The following ARHGAP15 variants were observed in gnomAD, a reference collection of about 807,000 sequenced individuals.
ARHGAP15 encodes the protein rho GTPase-activating protein 15.
A neutral mutation model predicts 63.7 loss-of-function variants in ARHGAP15; 51 were observed. The observed-to-expected ratio is 0.80, with a 90% confidence interval of 0.64 to 1.01. ARHGAP15 has a LOEUF of 1.01. Ranked by LOEUF, ARHGAP15 falls within the 50% of genes least tolerant of loss-of-function variation. The probability of loss-of-function intolerance (pLI) is 0.00; values close to 1 mark genes in which losing one functional copy is unlikely to be tolerated. For missense variants in ARHGAP15, 560 were observed against 564.6 expected, an observed-to-expected ratio of 0.99 and a Z score of 0.08; for synonymous variants, 191 against 193.8, an observed-to-expected ratio of 0.99 and a Z score of 0.12.
chr2:143,321,125 T>TC (rs142423524), intron 6 of ARHGAP15, among the ~76,000 whole-genome samples: 2,909 of 152,228 alleles, frequency 0.019, 97 homozygotes, highest in African/African-American at 0.065. Context: ...CTGAGCATTT[T>TC]CACAGGGGAA....
At chr2:143,749,230 A>G (rs1686279769) in intron 13 of ARHGAP15, among the ~76,000 whole-genome samples, 1 of 152,238 alleles carries the variant, frequency 6.6e-6, no homozygotes, top group South Asian at 2.1e-4. Context: ...AAGGGCAGGC[A>G]GGACAGATGA....
chr2:143,531,650 A>G (rs1694529829), intron 10 of ARHGAP15, among the ~76,000 whole-genome samples: 1 of 152,220 alleles, frequency 6.6e-6, no homozygotes, highest in Admixed American at 6.5e-5. Context: ...AAGCCAGCAT[A>G]TGTTCTAAAA....
intron 6 of ARHGAP15, among the ~76,000 whole-genome samples, chr2:143,402,435 T>G (rs1000584141): frequency 2.0e-5 from 3 of 151,620 alleles, no homozygotes; most frequent in Non-Finnish European, 4.4e-5. Flanking sequence ...TAGCTTCTTC[T>G]GAGTTCGCAA....
chr2:143,415,617 C>T (rs1290974270), intron 6 of ARHGAP15, among the ~76,000 whole-genome samples: 4 of 152,056 alleles, frequency 2.6e-5, no homozygotes, highest in Non-Finnish European at 5.9e-5. Flanking sequence ...AATCATGTTC[C>T]GTTTTAAAAG....
intron 6 of ARHGAP15, among the ~76,000 whole-genome samples, chr2:143,280,989 TAGC>T (rs1418065908): frequency 6.6e-6 from 1 of 152,140 alleles, no homozygotes; most frequent in Non-Finnish European, 1.5e-5. Flanking sequence ...TACAGCTAAT[TAGC>T]AGTAGAGCCA....
Position 143,697,328 on chromosome 2 carries a change from AAT to A in ARHGAP15, c.1139-6088_1139-6087del, listed in dbSNP as rs368949272. Reference sequence around the variant, plus strand: ...ATGATAGAGAAGACAATGAGAAAGAAATATGTTTTAAGGGAAGAGGACTTACA... The same window carrying A: ...ATGATAGAGAAGACAATGAGAAAGAAATGTTTTAAGGGAAGAGGACTTACA... On this transcript the variant is annotated intron_variant, in intron 12 of 13. Transcript: ENST00000295095. Among the ~76,000 whole-genome samples, 16 of 152,304 alleles carry A rather than the reference AAT, an allele frequency of 1.1e-4. No homozygotes were observed. The East Asian group carries it at 3.1e-3, about 29-fold the overall frequency.
chr2:143,206,886 G>A (rs942713418), intron 3 of ARHGAP15, among the ~76,000 whole-genome samples: 13 of 151,926 alleles, frequency 8.6e-5, no homozygotes, highest in Admixed American at 6.6e-4. Flanking sequence ...CATGGCAAAA[G>A]TTAGGCTGAA....
At chr2:143,458,365 T>C (rs756303129) in intron 8 of ARHGAP15, among the ~76,000 whole-genome samples, 3 of 152,144 alleles carry the variant, frequency 2.0e-5, no homozygotes, top group Non-Finnish European at 4.4e-5. Flanking sequence ...ATCAGGATGG[T>C]CTGAAGGCAC....
At chr2:143,654,759 T>C (rs1048397897) in intron 12 of ARHGAP15, among the ~76,000 whole-genome samples, 2 of 152,188 alleles carry the variant, frequency 1.3e-5, no homozygotes, top group African/African-American at 4.8e-5. Flanking sequence ...AAACTACCTC[T>C]ATGTATATTG....
intron 5 of ARHGAP15, among the ~76,000 whole-genome samples, chr2:143,239,367 C>T (rs1693771989): frequency 6.6e-6 from 1 of 151,922 alleles, no homozygotes; most frequent in Admixed American, 6.6e-5. Context: ...ATTATAGTTA[C>T]CATGCTGTAC....
In ARHGAP15 at chr2:143,750,517, A is replaced by G. The variant is rs147069582; in HGVS notation, c.1245-17472A>G. 5.9e-3 allele frequency among the ~76,000 whole-genome samples: 903 copies of G among 152,344 alleles called. 9 individuals are homozygous for G. The highest frequency in any genetic ancestry group is 0.021 in the African/African-American group (878 of 41,584). ...TTAAATTTAATCTTCAAAACAACCT[A>G]TGAGATCAGTTTTGCCATTAACTTC... On this transcript the variant is annotated intron_variant, in intron 13 of 13. Coordinates refer to ENST00000295095, the MANE Select transcript of ARHGAP15 (RefSeq NM_018460.4).
At chr2:143,546,374 TC>T (rs1275913866) in intron 10 of ARHGAP15, among the ~76,000 whole-genome samples, 6 of 152,142 alleles carry the variant, frequency 3.9e-5, no homozygotes, top group Non-Finnish European at 7.4e-5. Context: ...CCCAAAAGGA[TC>T]CATTTTTCAG....
At chr2:143,338,977 C>T (rs1286208749) in intron 6 of ARHGAP15, among the ~76,000 whole-genome samples, 1 of 151,772 alleles carries the variant, frequency 6.6e-6, no homozygotes, top group African/African-American at 2.4e-5. Context: ...AATAGAAAAC[C>T]AAGAAAGAAT....
At chr2:143,296,869 C>T (rs1252031238) in intron 6 of ARHGAP15, among the ~76,000 whole-genome samples, 4 of 151,798 alleles carry the variant, frequency 2.6e-5, no homozygotes, top group Non-Finnish European at 4.4e-5. Context: ...TCTTTGTGTT[C>T]GTAAGTTCTT....
At chr2:143,184,337 T>C (rs1266385405) in intron 2 of ARHGAP15, among the ~76,000 whole-genome samples, 1 of 152,208 alleles carries the variant, frequency 6.6e-6, no homozygotes, top group South Asian at 2.1e-4. Context: ...TATTGCCATC[T>C]AGCTAGCTTA....
At chr2:143,747,161 T>C (rs573531543) in intron 13 of ARHGAP15, among the ~76,000 whole-genome samples, 2 of 152,038 alleles carry the variant, frequency 1.3e-5, no homozygotes, top group Admixed American at 1.3e-4. Flanking sequence ...GATGGGTTGA[T>C]AGGTGCAGCA....
At chr2:143,758,899 C>T (rs2105544337) in intron 13 of ARHGAP15, among the ~76,000 whole-genome samples, 1 of 152,244 alleles carries the variant, frequency 6.6e-6, no homozygotes, top group South Asian at 2.1e-4. Context: ...AGCCCAGCAA[C>T]CTGCCTTTTA....
At chr2:143,627,011 T>G (rs1698860755) in intron 12 of ARHGAP15, among the ~76,000 whole-genome samples, 1 of 152,178 alleles carries the variant, frequency 6.6e-6, no homozygotes, top group South Asian at 2.1e-4. Flanking sequence ...AAGAGAAACC[T>G]GTATCTTCTT....
At chr2:143,369,489 T>C (rs1185076374) in intron 6 of ARHGAP15, among the ~76,000 whole-genome samples, 2 of 152,104 alleles carry the variant, frequency 1.3e-5, no homozygotes, top group Non-Finnish European at 2.9e-5. Context: ...CATATAATTT[T>C]TTTAATTCCT....
Sources: allele counts gnomAD v4.1 joint callset (sites outside exome capture counted in the v4.1 genomes callset), GRCh38; gene constraint gnomAD v4.1.1; transcripts MANE v1.5; gene names NCBI Gene and HGNC (gene_info 2026-07-23, HGNC 2026-07-21).